NEGR1: variants seen among roughly 807,000 people sequenced by gnomAD.
NEGR1 encodes the protein IgLON family member 4.
A neutral mutation model predicts 40.9 loss-of-function variants in NEGR1; 10 were observed. That is an observed-to-expected ratio of 0.24 (90% CI 0.15 to 0.42). The LOEUF (loss-of-function observed/expected upper bound fraction) is 0.42. Ranked by LOEUF, NEGR1 falls within the 10% of genes least tolerant of loss-of-function variation. The pLI, the probability that NEGR1 is intolerant of heterozygous loss-of-function variation, is 1.00. For synonymous variants in NEGR1, 185 were observed against 166.8 expected (o/e 1.11, Z -0.84); for missense variants, 352 against 438.9 (o/e 0.80, Z 1.77).
chr1:71,819,000 A>C (rs1186851402), intron 2 of NEGR1, among the ~76,000 whole-genome samples: 1 of 152,020 alleles, frequency 6.6e-6, no homozygotes, highest in Admixed American at 6.6e-5. Flanking sequence ...AGGCAATTGA[A>C]AGCTAGATGT....
intron 3 of NEGR1, among the ~76,000 whole-genome samples, chr1:71,724,814 C>T (rs1020141737): frequency 3.3e-5 from 5 of 151,464 alleles, no homozygotes; most frequent in Admixed American, 2.6e-4. Flanking sequence ...CTCCCTTTAT[C>T]TCTCTCTCTC....
At chr1:71,602,131 A>AGGTT (rs1649940650) in intron 5 of NEGR1, among the ~76,000 whole-genome samples, 2 of 151,962 alleles carry the variant, frequency 1.3e-5, no homozygotes, top group East Asian at 3.9e-4. Flanking sequence ...TTCTAGCCCT[A>AGGTT]ACTCCTGTTA....
chr1:71,565,620 T>C (rs1245568224), intron 6 of NEGR1, among the ~76,000 whole-genome samples: 2 of 152,152 alleles, frequency 1.3e-5, no homozygotes, highest in African/African-American at 2.4e-5. Flanking sequence ...CTCTTCAGTT[T>C]CTTCACCAGG....
intron 1 of NEGR1, among the ~76,000 whole-genome samples, chr1:72,181,351 C>A (rs1409878360): frequency 1.3e-5 from 2 of 152,088 alleles, no homozygotes; most frequent in Non-Finnish European, 2.9e-5. Flanking sequence ...CCCTCTACAT[C>A]ATCTGGAAGT....
At chr1:71,872,528 C>T (rs1660308565) in intron 2 of NEGR1, among the ~76,000 whole-genome samples, 4 of 152,140 alleles carry the variant, frequency 2.6e-5, no homozygotes, top group Admixed American at 2.6e-4. Flanking sequence ...CTTTTCCCTC[C>T]AGCAAAGCAT....
At chr1:72,216,683 A>T (rs1653832370) in intron 1 of NEGR1, among the ~76,000 whole-genome samples, 1 of 150,962 alleles carries the variant, frequency 6.6e-6, no homozygotes, top group Non-Finnish European at 1.5e-5. Flanking sequence ...TTCTTTGATC[A>T]CTATGCCAGT....
intron 6 of NEGR1, among the ~76,000 whole-genome samples, chr1:71,581,424 T>G (rs1180100751): frequency 6.6e-6 from 1 of 152,146 alleles, no homozygotes; most frequent in Non-Finnish European, 1.5e-5. Context: ...TATTCTCCGA[T>G]TCAGCAAAAA....
chr1:71,763,817 A>C (rs528145137), intron 3 of NEGR1, among the ~76,000 whole-genome samples: 14 of 152,042 alleles, frequency 9.2e-5, no homozygotes, highest in Admixed American at 9.2e-4. Flanking sequence ...GTGAGAAAAC[A>C]TCAGGAAAAA....
At chr1:72,178,341 C>A (rs564888174) in intron 1 of NEGR1, among the ~76,000 whole-genome samples, 2 of 151,956 alleles carry the variant, frequency 1.3e-5, no homozygotes, top group African/African-American at 2.4e-5. Context: ...ATTTATTGGT[C>A]CACTTCTTCT....
chr1:72,075,624 G>C (rs919784302), intron 1 of NEGR1, among the ~76,000 whole-genome samples: 1 of 152,158 alleles, frequency 6.6e-6, no homozygotes, highest in African/African-American at 2.4e-5. Context: ...CTGGATGAAT[G>C]AATGCTACAG....
intron 4 of NEGR1, among the ~76,000 whole-genome samples, chr1:71,612,469 G>C (rs1252629356): frequency 1.3e-5 from 2 of 151,924 alleles, no homozygotes; most frequent in Non-Finnish European, 2.9e-5. Context: ...CATTTCTCAA[G>C]GAACAAAGCA....
rs1646280879 is a variant in NEGR1 at position 71,406,848 on chromosome 1, A to T, written c.*598T>A. On this transcript the variant is annotated 3_prime_UTR_variant, in exon 7 of 7. Transcript: ENST00000357731. ...TTGTATGAAGGCACACCCATGCTGAACTTACAGGAAAGAGAAGCAGAGCTG... is the reference window on the plus strand; with the variant it reads ...TTGTATGAAGGCACACCCATGCTGATCTTACAGGAAAGAGAAGCAGAGCTG... 3 of 152,624 alleles carry T rather than the reference A, an allele frequency of 2.0e-5. No individual in the cohort carries two copies. In the South Asian group the frequency reaches 6.2e-4, roughly 32 times the overall value. 9.5% of individuals were successfully genotyped at this position (152,624 alleles called of 1,614,324 possible). A position where few individuals can be genotyped will look rare whatever the true frequency, so the allele number is the denominator to read the frequency against.
intron 4 of NEGR1, among the ~76,000 whole-genome samples, chr1:71,656,457 A>G (rs543317080): frequency 1.1e-4 from 17 of 152,110 alleles, no homozygotes; most frequent in South Asian, 4.2e-4. Flanking sequence ...CTGTCGCCCA[A>G]GCTGGAGTGC....
At chr1:71,861,126 C>G (rs1209522851) in intron 2 of NEGR1, among the ~76,000 whole-genome samples, 3 of 152,020 alleles carry the variant, frequency 2.0e-5, no homozygotes, top group Non-Finnish European at 2.9e-5. Flanking sequence ...TGTTTCAGAT[C>G]ACAGTCTCTG....
At chr1:71,793,970 T>C (rs1203379295) in intron 2 of NEGR1, among the ~76,000 whole-genome samples, 1 of 152,176 alleles carries the variant, frequency 6.6e-6, no homozygotes, top group African/African-American at 2.4e-5. Flanking sequence ...GCATATTTCA[T>C]TAAAACTGAA....
chr1:72,203,293 G>A (rs764833534), intron 1 of NEGR1, among the ~76,000 whole-genome samples: 19 of 152,176 alleles, frequency 1.2e-4, no homozygotes, highest in Middle Eastern at 6.8e-3. Flanking sequence ...AAATATCAGT[G>A]TGAACAGGAG....
At chr1:72,081,792 C>T (rs1648009664) in intron 1 of NEGR1, among the ~76,000 whole-genome samples, 1 of 152,058 alleles carries the variant, frequency 6.6e-6, no homozygotes, top group Non-Finnish European at 1.5e-5. Flanking sequence ...GATTCCTATC[C>T]TACTGCCTTC....
At chr1:71,594,078 A>G (rs796880883) in intron 5 of NEGR1, among the ~76,000 whole-genome samples, 8 of 152,320 alleles carry the variant, frequency 5.3e-5, no homozygotes, top group African/African-American at 1.9e-4. Flanking sequence ...ACAAAGGTCA[A>G]TGGTATTCAG....
chr1:71,871,412 A>G (rs1204200066), intron 2 of NEGR1, among the ~76,000 whole-genome samples: 1 of 152,056 alleles, frequency 6.6e-6, no homozygotes, highest in Non-Finnish European at 1.5e-5. Flanking sequence ...TTGTCAGGTC[A>G]CCTCTTATCA....
Sources: allele counts gnomAD v4.1 joint callset (sites outside exome capture counted in the v4.1 genomes callset), GRCh38; gene constraint gnomAD v4.1.1; transcripts MANE v1.5; gene names NCBI Gene and HGNC (gene_info 2026-07-23, HGNC 2026-07-21).